The following PCSK5 variants were observed in gnomAD, a reference collection of about 807,000 sequenced individuals.
PCSK5 encodes the protein proprotein convertase subtilisin/kexin type 5, also known as prohormone convertase 5.
Under a neutral mutation model 233.2 loss-of-function variants are expected in PCSK5, and 129 were observed. The observed-to-expected ratio is 0.55, with a 90% confidence interval of 0.48 to 0.64. PCSK5 has a LOEUF of 0.64. Ranked by LOEUF, PCSK5 falls within the 30% of genes least tolerant of loss-of-function variation. The probability of loss-of-function intolerance (pLI) is 0.00; values close to 1 mark genes in which losing one functional copy is unlikely to be tolerated. For missense variants in PCSK5, 2,076 were observed against 2,430.1 expected, an observed-to-expected ratio of 0.85 and a Z score of 3.06; for synonymous variants, 825 against 879.2, an observed-to-expected ratio of 0.94 and a Z score of 1.09.
intron 1 of PCSK5, among the ~76,000 whole-genome samples, chr9:75,905,346 T>C (rs1212845521): frequency 6.6e-6 from 1 of 152,062 alleles, no homozygotes; most frequent in Non-Finnish European, 1.5e-5. Flanking sequence ...TTCTGGTCTC[T>C]ACAAAAGAAA....
rs190543983 is a variant in PCSK5, at chr9:76,233,756, T to G, written c.2866+160T>G. On this transcript the variant is annotated intron_variant, in intron 22 of 37. Transcript: ENST00000674117. ...GTACAACCTTGAACTTTCTGCTTGC[T>G]GTCAGTACACAAAAAGCTTGTTCAC... 6.3e-4 allele frequency among the ~76,000 whole-genome samples: 96 copies of G among 152,248 alleles called. 1 individual carries two copies. The East Asian group carries it at 0.016, about 25-fold the overall frequency.
intron 24 of PCSK5, among the ~76,000 whole-genome samples, chr9:76,280,675 G>A (rs1827835772): frequency 6.6e-6 from 1 of 152,020 alleles, no homozygotes; most frequent in Non-Finnish European, 1.5e-5. Flanking sequence ...GTACCAGGCT[G>A]CAGTAAGCCA....
At chr9:76,247,294 C>T (rs920608156) in intron 24 of PCSK5, among the ~76,000 whole-genome samples, 3 of 152,078 alleles carry the variant, frequency 2.0e-5, no homozygotes, top group Non-Finnish European at 4.4e-5. Flanking sequence ...CAGAAGAGTG[C>T]AGTTGCAAGA....
chr9:76,273,564 AATATATATATACATATATAT>A (rs1026303080), intron 24 of PCSK5, among the ~76,000 whole-genome samples: 2 of 74,860 alleles, frequency 2.7e-5, no homozygotes, highest in Non-Finnish European at 5.3e-5. Flanking sequence ...ACAAAATAGT[AATATATATATACATATATAT>A]ATATATATAT....
chr9:75,920,835 CAAAT>C (rs1823226611), intron 1 of PCSK5, among the ~76,000 whole-genome samples: 3 of 151,824 alleles, frequency 2.0e-5, no homozygotes, highest in East Asian at 3.9e-4. Context: ...AATAAAAAAA[CAAAT>C]AAAAAAATGC....
At chr9:75,914,080 G>A (rs1439439446) in intron 1 of PCSK5, among the ~76,000 whole-genome samples, 3 of 152,194 alleles carry the variant, frequency 2.0e-5, no homozygotes, top group African/African-American at 7.2e-5. Context: ...ATGAAAGGCA[G>A]TGCAAAATGT....
At chr9:76,356,002 C>G (rs1325122804) in intron 37 of PCSK5, among the ~76,000 whole-genome samples, 1 of 152,192 alleles carries the variant, frequency 6.6e-6, no homozygotes, top group Non-Finnish European at 1.5e-5. Context: ...CCGCGCCTGG[C>G]TTGATCAGCA....
Position 76,238,968 on chromosome 9 carries a change from G to A in PCSK5, c.2876G>A (p.Gly959Asp), listed in dbSNP as rs896556192. ...HCTSCGADNYGREHFLYQGEC... is the reference protein window; with the variant it reads ...HCTSCGADNYDREHFLYQGEC... ...CCCTGTAACTGATCAGACAACTATG[G>A]CCGAGAGCACTTCCTGTACCAGGGA... Residue 959 changes from glycine to aspartate, a missense_variant, in exon 23 of 38, where the codon GGC (glycine) becomes GAC (aspartate). Coordinates refer to ENST00000674117, the MANE Select transcript of PCSK5 (RefSeq NM_001372043.1). 2.5e-6 allele frequency: 4 copies of A among 1,611,660 alleles called. No homozygotes were observed. The African/African-American group carries it at 5.3e-5, about 22-fold the overall frequency.
rs954028799 is a variant in PCSK5, at chr9:76,310,660, A to G, written c.3693A>G (p.Ala1231=). The G allele has an allele frequency of 6.4e-7, 1 of 1,565,806 alleles. No homozygotes were observed. Among genetic ancestry groups the G allele is most frequent in the Non-Finnish European group, 8.6e-7 (1 of 1,160,124 alleles). ...ATLCTSCPKG[A]YLLAQACVSS... is the part of the protein sequence containing the mutation. ...CCCTCTTCCCTGAATTTCTAGGTGC[A>G]TATCTTCTGGCTCAGGCCTGTGTTT... is the stretch of plus-strand genomic sequence containing the variant. The change falls in exon 30 of 38, where the codon GCA becomes GCG. Residue 1231 remains alanine (A), a synonymous_variant. Transcript: ENST00000674117.
intron 20 of PCSK5, among the ~76,000 whole-genome samples, chr9:76,226,226 A>C (rs1309235963): frequency 1.3e-5 from 2 of 152,200 alleles, no homozygotes; most frequent in Non-Finnish European, 1.5e-5. Context: ...ATAACCCTAC[A>C]TGAAAGGCTT....
intron 24 of PCSK5, among the ~76,000 whole-genome samples, chr9:76,263,459 C>G (rs559616160): frequency 1.4e-4 from 21 of 152,132 alleles, no homozygotes; most frequent in African/African-American, 4.3e-4. Flanking sequence ...TAAAAAATGA[C>G]GAGTTCGTGT....
At chr9:76,111,744 G>A (rs1832225071) in intron 9 of PCSK5, among the ~76,000 whole-genome samples, 1 of 152,050 alleles carries the variant, frequency 6.6e-6, no homozygotes, top group Non-Finnish European at 1.5e-5. Flanking sequence ...CAAGGAAGCA[G>A]GTTTATTAAA....
chr9:76,279,139 A>G (rs1188229344), intron 24 of PCSK5, among the ~76,000 whole-genome samples: 68 of 134,270 alleles, frequency 5.1e-4, no homozygotes, highest in African/African-American at 1.9e-3. Context: ...TTCAATTCCC[A>G]CCTATGAGTG....
intron 9 of PCSK5, among the ~76,000 whole-genome samples, chr9:76,124,512 C>T (rs796724598): frequency 7.6e-6 from 1 of 132,210 alleles, no homozygotes; most frequent in Non-Finnish European, 1.7e-5. Flanking sequence ...TTTGGGAGAC[C>T]GAGGCAGGCA....
At position 76,023,851 on chromosome 9, in the gene PCSK5, G is replaced by A; in HGVS notation, c.525G>A (p.Glu175=). The change falls in exon 4 of 38, where the codon GAG becomes GAA. Residue 175 remains glutamate (E), a synonymous_variant. Coordinates refer to ENST00000674117, the MANE Select transcript of PCSK5 (RefSeq NM_001372043.1). ...IVVTILDDGI[E]RTHPDLMQNY... ...TCACTATCCTGGATGACGGAATTGA[G>A]AGAACCCATCCAGATCTGATGCAAA... The A allele has an allele frequency of 1.2e-6, 2 of 1,613,480 alleles. No homozygotes were observed. Among genetic ancestry groups the A allele is most frequent in the Non-Finnish European group, 1.7e-6 (2 of 1,179,646 alleles).
chr9:75,986,806 G>C (rs1382785607), intron 3 of PCSK5, among the ~76,000 whole-genome samples: 1 of 152,174 alleles, frequency 6.6e-6, no homozygotes, highest in East Asian at 1.9e-4. Context: ...AGATTTTTCA[G>C]TGAAGGAAAC....
chr9:75,983,932 A>G (rs754242965), intron 2 of PCSK5, among the ~76,000 whole-genome samples: 2 of 152,280 alleles, frequency 1.3e-5, no homozygotes, highest in East Asian at 3.9e-4. Flanking sequence ...ATACAGGGCT[A>G]TATACACATA....
At chr9:75,928,242 A>G (rs1166419625) in intron 1 of PCSK5, among the ~76,000 whole-genome samples, 1 of 152,072 alleles carries the variant, frequency 6.6e-6, no homozygotes, top group Non-Finnish European at 1.5e-5. Context: ...TTTATACTTC[A>G]TATACTCCTA....
At chr9:75,918,353 TG>T (rs1472161520) in intron 1 of PCSK5, among the ~76,000 whole-genome samples, 1 of 152,204 alleles carries the variant, frequency 6.6e-6, no homozygotes, top group African/African-American at 2.4e-5. Flanking sequence ...GCTGAGCAGG[TG>T]ATGACTAGAT....
Sources: allele counts gnomAD v4.1 joint callset (sites outside exome capture counted in the v4.1 genomes callset), GRCh38; gene constraint gnomAD v4.1.1; transcripts MANE v1.5; gene names NCBI Gene and HGNC (gene_info 2026-07-23, HGNC 2026-07-21).